CENPO: variants seen among roughly 807,000 people sequenced by gnomAD.
CENPO encodes centromere protein O.
A neutral mutation model predicts 36.1 loss-of-function variants in CENPO; 30 were observed. That is an observed-to-expected ratio of 0.83 (90% CI 0.62 to 1.13). The LOEUF is 1.13. CENPO is among the 50% of genes most tolerant of loss of function. CENPO has a pLI of 0.00. For synonymous variants in CENPO, 171 were observed against 142.3 expected, an observed-to-expected ratio of 1.20 and a Z score of -1.44; for missense variants, 349 against 357.8, an observed-to-expected ratio of 0.98 and a Z score of 0.20.
intron 2 of CENPO, 132 bp from the exon 3 acceptor site, chr2:24,799,543 C>G: frequency 4.3e-6 from 3 of 695,184 alleles, no homozygotes; most frequent in Non-Finnish European, 7.3e-6. Flanking sequence ...TGACAGATAT[C>G]TAACAATTCA....
intron 2 of CENPO, among the ~76,000 whole-genome samples, chr2:24,795,782 G>T (rs747744805): frequency 1.3e-4 from 20 of 152,162 alleles, no homozygotes; most frequent in Non-Finnish European, 2.8e-4. Flanking sequence ...ATTTTTGTAA[G>T]CTCCGTGAGG....
Position 24,820,171 on chromosome 2 carries a change from C to CGGGGGGGG in CENPO, c.*856_*857insGGGGGGGG. The CGGGGGGGG allele has an allele frequency of 4.6e-6, 2 of 431,242 alleles. No homozygotes were observed. Among genetic ancestry groups the CGGGGGGGG allele is most frequent in the Non-Finnish European group, 8.1e-6 (2 of 247,246 alleles). 26.7% of individuals were successfully genotyped at this position (431,242 alleles called of 1,614,324 possible). A position where few individuals can be genotyped will look rare whatever the true frequency, so the allele number is the denominator to read the frequency against. ...TTACGGGGGGAGCCTAGACTGAGGG[C>CGGGGGGGG]GGGTGGGGGCTTTGGGTGGTTGGAG... On this transcript the variant is annotated 3_prime_UTR_variant, in exon 8 of 8. Transcript: ENST00000380834.
chr2:24,804,967 C>G (rs890961780), intron 3 of CENPO, among the ~76,000 whole-genome samples: 1 of 152,240 alleles, frequency 6.6e-6, no homozygotes, highest in Admixed American at 6.5e-5. Context: ...GTACACCTAT[C>G]AGACGTAGAT....
In CENPO at chr2:24,794,563, T is replaced by G. The variant is rs76854502; in HGVS notation, c.46+598T>G. Among the ~76,000 whole-genome samples, 333 of 152,342 alleles carry G rather than the reference T, an allele frequency of 2.2e-3. 3 individuals are homozygous for G. The East Asian group carries it at 0.038, about 17-fold the overall frequency. On this transcript the variant is annotated intron_variant, in intron 2 of 7. Coordinates refer to ENST00000380834, the MANE Select transcript of CENPO (RefSeq NM_001322101.2). ...AATATTCAATGAAAGGCTTAATTCT[T>G]TACATACTTTGTGTCTTAAAATGTA...
intron 4 of CENPO, 122 bp downstream of exon 4, chr2:24,814,615 A>C: frequency 4.7e-6 from 3 of 635,944 alleles, no homozygotes; most frequent in Non-Finnish European, 2.8e-6. Context: ...CTCTGCCCTC[A>C]TCACTCACAC....
intron 7 of CENPO, 29 bp downstream of exon 7, chr2:24,817,870 A>G: frequency 1.3e-6 from 2 of 1,576,458 alleles, no homozygotes; most frequent in African/African-American, 2.7e-5. Context: ...AGACAGTACC[A>G]GGTGGGTAGT....
Position 24,820,454 on chromosome 2 carries a change from G to T in CENPO, c.*1136G>T. The T allele has an allele frequency of 7.5e-7, 1 of 1,330,478 alleles. No homozygotes were observed. The highest frequency in any genetic ancestry group is 2.1e-5 in the South Asian group (1 of 48,442). The allele number at this position is 1,330,478 out of a possible 1,614,324, so 82.4% of individuals were successfully genotyped here. A position where few individuals can be genotyped will look rare whatever the true frequency, so the allele number is the denominator to read the frequency against. On this transcript the variant is annotated 3_prime_UTR_variant, in exon 8 of 8. Transcript: ENST00000380834. ...TGGAGCTTTTCTGCCAGACGCCACT[G>T]AGACAGATCACAAGGTATTAGAAGG...
chr2:24,815,684 G>A lies in CENPO; in HGVS notation c.522G>A (p.Gln174=), dbSNP rs763267429. Residue 174 remains glutamine, a synonymous_variant, in exon 5 of 8, where the codon CAG becomes CAA. Coordinates refer to ENST00000380834, the MANE Select transcript of CENPO (RefSeq NM_001322101.2). ...CAAAATATTTACAGACCAACATCCA[G>A]CACTTCCTGTTCAGTCTCTGCGAGT... ...IAAKYLQTNI[Q]HFLFSLCEYL... is the part of the protein sequence containing the mutation. 24 of 1,613,884 alleles carry A rather than the reference G, an allele frequency of 1.5e-5. No homozygotes were observed. Among genetic ancestry groups the A allele is most frequent in the Non-Finnish European group, 2.0e-5 (24 of 1,179,890 alleles).
chr2:24,803,034 A>G (rs1201060493), intron 3 of CENPO, among the ~76,000 whole-genome samples: 4 of 152,116 alleles, frequency 2.6e-5, no homozygotes, highest in African/African-American at 7.2e-5. Flanking sequence ...CAGAGGTTCA[A>G]CTTCTTCCTG....
chr2:24,812,386 G>A (rs1280768432), intron 3 of CENPO, among the ~76,000 whole-genome samples: 1 of 151,850 alleles, frequency 6.6e-6, no homozygotes, highest in East Asian at 1.9e-4. Flanking sequence ...AGATCAATGT[G>A]GCTAAGCATG....
intron 3 of CENPO, among the ~76,000 whole-genome samples, chr2:24,802,643 T>C (rs944076950): frequency 1.1e-3 from 164 of 152,348 alleles, no homozygotes; most frequent in Admixed American, 2.9e-3. Flanking sequence ...TTGATTTGCA[T>C]ATGTTGAACC....
At chr2:24,802,578 G>A (rs985575430) in intron 3 of CENPO, among the ~76,000 whole-genome samples, 23 of 152,114 alleles carry the variant, frequency 1.5e-4, no homozygotes, top group Admixed American at 1.2e-3. Context: ...TGCATCTATC[G>A]AGATAATCAT....
Position 24,820,506 on chromosome 2 carries a change from A to G in CENPO, c.*1188A>G. The G allele has an allele frequency of 1.4e-6, 2 of 1,411,338 alleles. No individual in the cohort carries two copies. Among genetic ancestry groups the G allele is most frequent in the Middle Eastern group, 2.5e-4 (1 of 4,014 alleles). The allele number at this position is 1,411,338 out of a possible 1,614,324, so 87.4% of individuals were successfully genotyped here. ...TCATACCCAAAGGTAGGCCATATGC[A>G]TCTAGAACTTCAGCCCAGATTTTGT... On this transcript the variant is annotated 3_prime_UTR_variant, in exon 8 of 8. Transcript: ENST00000380834.
intron 3 of CENPO, among the ~76,000 whole-genome samples, chr2:24,809,644 G>GT (rs551146678): frequency 4.7e-5 from 7 of 149,018 alleles, no homozygotes; most frequent in Non-Finnish European, 7.4e-5. Context: ...TTTCCATTGT[G>GT]TTATCTTCTT....
chr2:24,811,945 C>A (rs1666712371), intron 3 of CENPO, among the ~76,000 whole-genome samples: 2 of 152,148 alleles, frequency 1.3e-5, no homozygotes, highest in Admixed American at 6.5e-5. Flanking sequence ...TCTCAATCTA[C>A]CATAGTATTT....
Position 24,814,988 on chromosome 2 carries a change from C to A in CENPO, c.334+495C>A, listed in dbSNP as rs74961647. 6.2e-3 allele frequency among the ~76,000 whole-genome samples: 940 copies of A among 152,232 alleles called. 14 individuals carry two copies. The highest frequency in any genetic ancestry group is 0.021 in the African/African-American group (884 of 41,540). On this transcript the variant is annotated intron_variant, in intron 4 of 7. Transcript: ENST00000380834. ...TTTTGGCCTTGCTTATGCCTGTAAT[C>A]CCATCACTTTGGGAGGCTGAGGCAG...
chr2:24,819,978 T>C lies in CENPO; in HGVS notation c.*660T>C, dbSNP rs771252467. 10 of 1,613,626 alleles carry C rather than the reference T, an allele frequency of 6.2e-6. No individual in the cohort carries two copies. The Admixed American group carries it at 6.7e-5, about 11-fold the overall frequency. On this transcript the variant is annotated 3_prime_UTR_variant, in exon 8 of 8. Transcript: ENST00000380834. The stretch of plus-strand genomic sequence containing the variant: ...GTGGGGCAGTGTGACAGAGGGGCCA[T>C]TGGGGAAGGTGGCTAGCTTATCCCG...
chr2:24,799,708 A>G lies in CENPO; in HGVS notation c.80A>G (p.Gln27Arg), dbSNP rs1416087641. The change falls in exon 3 of 8, where the codon CAA becomes CGA. Residue 27 changes from glutamine (Q) to arginine (R), a missense_variant. Coordinates refer to ENST00000380834, the MANE Select transcript of CENPO (RefSeq NM_001322101.2). The stretch of plus-strand genomic sequence containing the variant: ...GCTCACTTGGAAAGGCTAGAGACCC[A>G]AGTGAGCAGATCCCGTAAACAGTCT... ...VLAHLERLET[Q>R]VSRSRKQSEE... is the part of the protein sequence containing the mutation. 1.9e-6 allele frequency: 3 copies of G among 1,614,028 alleles called. No individual in the cohort carries two copies. The highest frequency in any genetic ancestry group is 2.5e-6 in the Non-Finnish European group (3 of 1,180,004).
chr2:24,815,969 AT>A, intron 5 of CENPO: 1 of 564,982 alleles, frequency 1.8e-6, no homozygotes, highest in Non-Finnish European at 3.2e-6. Flanking sequence ...TGGTTAAAGG[AT>A]TATGCACCCC....
Sources: allele counts gnomAD v4.1 joint callset (sites outside exome capture counted in the v4.1 genomes callset), GRCh38; gene constraint gnomAD v4.1.1; transcripts MANE v1.5; gene names NCBI Gene and HGNC (gene_info 2026-07-23, HGNC 2026-07-21).